Variants in ESR1 observed in about 807,000 individuals in gnomAD.
The protein encoded by ESR1 is estrogen receptor.
Under a neutral mutation model 52.7 loss-of-function variants are expected in ESR1, and 12 were observed. That is an observed-to-expected ratio of 0.23 (90% confidence interval 0.15 to 0.37). The LOEUF (loss-of-function observed/expected upper bound fraction) is 0.37. Among genes scored for constraint, ESR1 ranks in the 10% least tolerant of loss-of-function variants. The probability of loss-of-function intolerance (pLI) is 1.00; values close to 1 mark genes in which losing one functional copy is unlikely to be tolerated. For synonymous variants in ESR1, 305 were observed against 316.8 expected (o/e 0.96, Z 0.39); for missense variants, 584 against 779.7 (o/e 0.75, Z 2.99).
intron 5 of ESR1, among the ~76,000 whole-genome samples, chr6:152,024,746 TTATA>T (rs1266915469): frequency 2.7e-5 from 4 of 147,558 alleles, no homozygotes; most frequent in South Asian, 4.2e-4. Flanking sequence ...TGTATTGTAT[TTATA>T]TATGTATTTA....
chr6:151,666,379 CA>C (rs1441584571), intron 1 of ESR1, among the ~76,000 whole-genome samples: 1 of 152,154 alleles, frequency 6.6e-6, no homozygotes, highest in Admixed American at 6.5e-5. Context: ...TAATCCCAAC[CA>C]TTTCTACAGG....
chr6:151,853,053 T>C (rs1025854407), intron 2 of ESR1, among the ~76,000 whole-genome samples: 2 of 150,334 alleles, frequency 1.3e-5, no homozygotes, highest in Non-Finnish European at 3.0e-5. Context: ...GCACCTGTAG[T>C]CCCAGCTACT....
rs117194062 is a variant in ESR1 at position 151,729,003 on chromosome 6, T to C, written c.-71+26998T>C. The stretch of plus-strand genomic sequence containing the variant: ...CCATGACACATGAACACTTTTATAT[T>C]CCACAACCACTGTGCTCTCCTTTTG... On this transcript the variant is annotated intron_variant, in intron 2 of 2. Coordinates refer to the ESR1 transcript ENST00000404742. Among the ~76,000 whole-genome samples the C allele has an allele frequency of 6.3e-3, 964 of 152,340 alleles. 3 individuals are homozygous for C. The highest frequency in any genetic ancestry group is 0.02 in the Middle Eastern group (6 of 294).
At chr6:151,770,390 C>CTAGAAATATTTA (rs1785415183) in intron 2 of ESR1, among the ~76,000 whole-genome samples, 1 of 151,930 alleles carries the variant, frequency 6.6e-6, no homozygotes, top group African/African-American at 2.4e-5. Context: ...TGAAGAGGCT[C>CTAGAAATATTTA]TAGAAATATT....
At chr6:152,016,954 G>C (rs2043215250) in intron 5 of ESR1, among the ~76,000 whole-genome samples, 1 of 152,028 alleles carries the variant, frequency 6.6e-6, no homozygotes, top group Non-Finnish European at 1.5e-5. Context: ...TTGCTAACTG[G>C]AGCCTGGATT....
intron 4 of ESR1, among the ~76,000 whole-genome samples, chr6:151,973,416 A>G (rs533839644): frequency 9.2e-5 from 14 of 152,278 alleles, no homozygotes; most frequent in South Asian, 8.3e-4. Context: ...GTCTACTCCT[A>G]TTTTGATAAC....
intron 6 of ESR1, among the ~76,000 whole-genome samples, chr6:152,072,407 T>C (rs2048424004): frequency 2.0e-5 from 3 of 152,206 alleles, no homozygotes; most frequent in African/African-American, 7.2e-5. Context: ...TGTGAGTGTA[T>C]CTCTCTTTAA....
intron 3 of ESR1, among the ~76,000 whole-genome samples, chr6:151,886,601 A>G (rs1187157634): frequency 6.6e-6 from 1 of 152,248 alleles, no homozygotes; most frequent in Non-Finnish European, 1.5e-5. Flanking sequence ...CCAATGAAAC[A>G]CTGGAAAATA....
intron 4 of ESR1, among the ~76,000 whole-genome samples, chr6:151,983,788 A>C (rs548645944): frequency 2.6e-5 from 4 of 152,170 alleles, no homozygotes; most frequent in Non-Finnish European, 4.4e-5. Context: ...ACCTGGGGCA[A>C]TGGCAGAAGT....
chr6:152,027,433 G>T (rs1302474458), intron 5 of ESR1, among the ~76,000 whole-genome samples: 4 of 152,026 alleles, frequency 2.6e-5, no homozygotes, highest in Admixed American at 2.6e-4. Context: ...GTTTTTGGTT[G>T]TCTGGAGCTT....
intron 4 of ESR1, chr6:151,983,638 A>G (rs532749275): frequency 3.9e-5 from 6 of 152,220 alleles, no homozygotes; most frequent in Admixed American, 3.3e-4. Context: ...CTTATTGCCT[A>G]TGATTGGCCA....
At chr6:151,958,826 C>A (rs1045417684) in intron 4 of ESR1, among the ~76,000 whole-genome samples, 2 of 152,204 alleles carry the variant, frequency 1.3e-5, no homozygotes, top group Non-Finnish European at 2.9e-5. Flanking sequence ...CCCTGTACCT[C>A]AGAACCCAGC....
intron 2 of ESR1, among the ~76,000 whole-genome samples, chr6:151,726,649 A>C (rs1245664250): frequency 6.6e-6 from 1 of 152,188 alleles, no homozygotes. Flanking sequence ...AGTTTTAAAA[A>C]AATTTCAGTT....
intron 3 of ESR1, among the ~76,000 whole-genome samples, chr6:151,881,385 G>T (rs1384935553): frequency 6.6e-6 from 1 of 152,146 alleles, no homozygotes; most frequent in African/African-American, 2.4e-5. Context: ...GTGGGTTTGT[G>T]TTTTTGTGGT....
At chr6:151,669,864 T>C (rs946247367) in intron 1 of ESR1, among the ~76,000 whole-genome samples, 4 of 152,090 alleles carry the variant, frequency 2.6e-5, no homozygotes, top group African/African-American at 7.2e-5. Flanking sequence ...TGAGAGATTG[T>C]AAAACACATT....
intron 2 of ESR1, among the ~76,000 whole-genome samples, chr6:151,705,423 CAT>C (rs1304193262): frequency 6.6e-6 from 1 of 151,680 alleles, no homozygotes; most frequent in East Asian, 1.9e-4. Flanking sequence ...TTTCTAAACA[CAT>C]ATGAACTAAA....
intron 3 of ESR1, among the ~76,000 whole-genome samples, chr6:151,883,598 C>T (rs1331121288): frequency 6.6e-6 from 1 of 151,992 alleles, no homozygotes; most frequent in Admixed American, 6.6e-5. Context: ...CCAAAAAGGC[C>T]CTATTTCCAA....
intron 5 of ESR1, among the ~76,000 whole-genome samples, chr6:152,043,376 C>A (rs1016466211): frequency 2.0e-5 from 3 of 152,202 alleles, no homozygotes; most frequent in African/African-American, 7.2e-5. Context: ...TTAGCCCACA[C>A]CCTTAATATC....
At chr6:151,839,370 T>C (rs1157217196) in intron 1 of ESR1, among the ~76,000 whole-genome samples, 2 of 152,056 alleles carry the variant, frequency 1.3e-5, no homozygotes, top group Non-Finnish European at 2.9e-5. Context: ...ATAGAGCAAA[T>C]AGAAACCTTG....
Sources: allele counts gnomAD v4.1 joint callset (sites outside exome capture counted in the v4.1 genomes callset), GRCh38; gene constraint gnomAD v4.1.1; transcripts MANE v1.5; gene names NCBI Gene and HGNC (gene_info 2026-07-23, HGNC 2026-07-21).